The following ROBO1 variants were observed in gnomAD, a reference collection of about 807,000 sequenced individuals.
ROBO1 encodes the protein roundabout guidance receptor 1.
Under a neutral mutation model 195.9 loss-of-function variants are expected in ROBO1, and 149 were observed. The ratio of observed to expected loss-of-function variants is 0.76; its 90% CI spans 0.67 to 0.87. The LOEUF (loss-of-function observed/expected upper bound fraction) is 0.87. Ranked by LOEUF, ROBO1 falls within the 40% of genes least tolerant of loss-of-function variation. ROBO1 has a pLI of 0.00. For missense variants in ROBO1, 1,933 were observed against 2,068.3 expected, an observed-to-expected ratio of 0.93 and a Z score of 1.27; for synonymous variants, 816 against 733.2, an observed-to-expected ratio of 1.11 and a Z score of -1.82.
intron 2 of ROBO1, among the ~76,000 whole-genome samples, chr3:79,423,409 A>G (rs777164463): frequency 7.2e-5 from 11 of 152,164 alleles, no homozygotes; most frequent in Non-Finnish European, 1.5e-4. Context: ...GGAAGTAATG[A>G]CATGTTAAAT....
chr3:79,120,701 G>A (rs2080100674), intron 3 of ROBO1, among the ~76,000 whole-genome samples: 1 of 151,978 alleles, frequency 6.6e-6, no homozygotes, highest in Non-Finnish European at 1.5e-5. Context: ...TGGAATACTG[G>A]ACATAATTGA....
chr3:79,043,322 T>C (rs2078522773), intron 3 of ROBO1, among the ~76,000 whole-genome samples: 2 of 152,110 alleles, frequency 1.3e-5, no homozygotes, highest in South Asian at 4.1e-4. Context: ...TTATCCTTTA[T>C]GAACTTGCTC....
chr3:79,020,607 G>T lies in ROBO1; in HGVS notation c.173-81680C>A, dbSNP rs921254620. 9.9e-5 allele frequency among the ~76,000 whole-genome samples: 15 copies of T among 152,182 alleles called. 1 individual carries two copies. Among genetic ancestry groups the T allele is most frequent in the Non-Finnish European group, 1.5e-5 (1 of 68,040 alleles). On this transcript the variant is annotated intron_variant, in intron 3 of 30. Coordinates refer to ENST00000464233, the MANE Select transcript of ROBO1 (RefSeq NM_002941.4). ...CTCGGGAGGCTAAGACAGAAGAATT[G>T]CTTGAGCCCAGGAGGCGGAGGTTGC...
intron 3 of ROBO1, among the ~76,000 whole-genome samples, chr3:78,954,651 T>C (rs1424237293): frequency 3.3e-5 from 5 of 152,024 alleles, no homozygotes; most frequent in African/African-American, 4.8e-5. Flanking sequence ...TATGGAAACA[T>C]AGTTAATTAT....
In ROBO1 at chr3:79,527,273, A is replaced by C. The variant is rs540484901; in HGVS notation, c.88+62551T>G. ...AAATTTTGGAAAGTCTACACTAATA[A>C]TTAAAAAGAAAATTTGGTTAAAGTA... On this transcript the variant is annotated intron_variant, in intron 2 of 30. Coordinates refer to ENST00000464233, the MANE Select transcript of ROBO1 (RefSeq NM_002941.4). Among the ~76,000 whole-genome samples the C allele has an allele frequency of 2.0e-3, 305 of 152,270 alleles. 1 individual carries two copies. The highest frequency in any genetic ancestry group is 3.5e-3 in the Admixed American group (54 of 15,290).
At chr3:79,385,269 T>C (rs1335169961) in intron 2 of ROBO1, among the ~76,000 whole-genome samples, 1 of 152,146 alleles carries the variant, frequency 6.6e-6, no homozygotes, top group Non-Finnish European at 1.5e-5. Context: ...TTTGAATCTT[T>C]CTGTATATAT....
At chr3:78,618,822 A>G (rs997977180) in intron 26 of ROBO1, among the ~76,000 whole-genome samples, 1 of 152,214 alleles carries the variant, frequency 6.6e-6, no homozygotes, top group African/African-American at 2.4e-5. Context: ...ATATAGGTAA[A>G]CAGTTACCAA....
chr3:79,664,290 G>A (rs1426645313), intron 1 of ROBO1, among the ~76,000 whole-genome samples: 1 of 151,952 alleles, frequency 6.6e-6, no homozygotes, highest in Admixed American at 6.6e-5. Flanking sequence ...GCAATGGAGG[G>A]CAGAGATTTT....
chr3:79,396,276 TAGTA>T (rs368097205), intron 2 of ROBO1, among the ~76,000 whole-genome samples: 200 of 152,182 alleles, frequency 1.3e-3, no homozygotes, highest in African/African-American at 4.6e-3. Flanking sequence ...AGGTTTTTGA[TAGTA>T]AGTGAAAGCC....
chr3:79,002,384 T>C (rs951791890), intron 3 of ROBO1, among the ~76,000 whole-genome samples: 9 of 152,164 alleles, frequency 5.9e-5, no homozygotes, highest in African/African-American at 2.2e-4. Context: ...AATATTTTGC[T>C]GCTTTCTTGG....
chr3:78,834,355 GA>G (rs1321549765), intron 4 of ROBO1, among the ~76,000 whole-genome samples: 4 of 151,226 alleles, frequency 2.6e-5, no homozygotes, highest in African/African-American at 7.3e-5. Context: ...TTTACTAGAA[GA>G]AAGTTAACAG....
intron 3 of ROBO1, among the ~76,000 whole-genome samples, chr3:78,939,566 C>T (rs1483564674): frequency 4.0e-5 from 6 of 150,110 alleles, no homozygotes; most frequent in African/African-American, 9.8e-5. Context: ...TGCAGTGAGC[C>T]GAGATCGCGC....
chr3:78,705,825 T>C (rs1431250628), intron 8 of ROBO1, among the ~76,000 whole-genome samples: 1 of 152,132 alleles, frequency 6.6e-6, no homozygotes, highest in Non-Finnish European at 1.5e-5. Flanking sequence ...AATGTTAGAA[T>C]TTTGCTCTTA....
chr3:79,625,422 T>TAA (rs1945136215), intron 1 of ROBO1, among the ~76,000 whole-genome samples: 2 of 3,980 alleles, frequency 5.0e-4, no homozygotes, highest in African/African-American at 1.1e-3. Context: ...CTGTTTTTTT[T>TAA]GAAAAAAAAA....
intron 1 of ROBO1, among the ~76,000 whole-genome samples, chr3:79,680,785 G>C (rs1365924445): frequency 6.6e-6 from 1 of 151,970 alleles, no homozygotes; most frequent in Non-Finnish European, 1.5e-5. Context: ...AAAGCAGTAA[G>C]AAATGACATG....
intron 1 of ROBO1, among the ~76,000 whole-genome samples, chr3:79,754,461 A>G (rs1704279634): frequency 6.6e-6 from 1 of 152,194 alleles, no homozygotes; most frequent in Admixed American, 6.5e-5. Flanking sequence ...TCCCTTGTTC[A>G]TTTTAAGACG....
intron 1 of ROBO1, among the ~76,000 whole-genome samples, chr3:79,732,824 A>G (rs1352559142): frequency 1.3e-5 from 2 of 151,920 alleles, no homozygotes; most frequent in Non-Finnish European, 2.9e-5. Flanking sequence ...GGCGTTTTTT[A>G]TACTTTATTT....
At chr3:78,717,201 G>A (rs2081923127) in intron 7 of ROBO1, 74 bp downstream of exon 7, 1 of 1,440,532 alleles carries the variant, frequency 6.9e-7, no homozygotes, top group Admixed American at 2.4e-5. Context: ...TAATGGCCCG[G>A]ATGTGGAGAT....
chr3:79,101,353 C>T (rs1309872783), intron 3 of ROBO1, among the ~76,000 whole-genome samples: 1 of 151,706 alleles, frequency 6.6e-6, no homozygotes, highest in Non-Finnish European at 1.5e-5. Context: ...TGATTCAAAC[C>T]TCAGTTGTTA....
Sources: gnomAD v4.1 joint callset for allele counts (sites outside exome capture counted in the v4.1 genomes callset) on GRCh38, gnomAD v4.1.1 for gene constraint, MANE v1.5 for transcripts, NCBI Gene and HGNC (gene_info 2026-07-23, HGNC 2026-07-21) for gene names.